USH2A: variants seen among roughly 807,000 people sequenced by gnomAD.
USH2A encodes usherin.
In USH2A, 443 loss-of-function variants were observed where a neutral mutation model predicts 538.9. The ratio of observed to expected loss-of-function variants is 0.82; its 90% confidence interval spans 0.76 to 0.89. The LOEUF is 0.89. Among genes scored for constraint, USH2A ranks in the 40% least tolerant of loss-of-function variants. USH2A has a pLI of 0.00. For missense variants in USH2A, 6,633 were observed against 6,324.8 expected (o/e 1.05, Z -1.65); for synonymous variants, 2,413 against 2,273.5 (o/e 1.06, Z -1.75).
In USH2A at chr1:215,726,113, C is replaced by T. The variant is rs180835079; in HGVS notation, c.12066+1917G>A. On this transcript the variant is annotated intron_variant, in intron 61 of 71. Transcript: ENST00000307340. The stretch of plus-strand genomic sequence containing the variant: ...TAAAAACATATTTAAATTAAGGTGC[C>T]TCATTCAGAAAGCTATTAACAAGGG... Among the ~76,000 whole-genome samples the T allele has an allele frequency of 2.3e-4, 35 of 152,214 alleles. No individual in the cohort carries two copies. The East Asian group carries it at 2.7e-3, about 12-fold the overall frequency.
At chr1:215,678,122 A>C (rs2797236) in intron 62 of USH2A, among the ~76,000 whole-genome samples, 83,523 of 152,010 alleles carry the variant, frequency 0.55, 23,437 homozygotes, top group South Asian at 0.69. Context: ...ACCCACCTTC[A>C]ATTCTACCTT....
chr1:215,815,790 T>C (rs2102795301), intron 48 of USH2A, among the ~76,000 whole-genome samples: 1 of 152,186 alleles, frequency 6.6e-6, no homozygotes, highest in South Asian at 2.1e-4. Flanking sequence ...TTATCTTTAC[T>C]AGTTTTACTC....
chr1:215,782,626 T>C (rs1356005203), intron 53 of USH2A, 112 bp downstream of exon 53: 4 of 1,140,352 alleles, frequency 3.5e-6, no homozygotes, highest in African/African-American at 1.5e-5. Flanking sequence ...TATCGGAACA[T>C]ACTTTTCTAG....
intron 32 of USH2A, among the ~76,000 whole-genome samples, chr1:216,022,470 GC>G (rs1668865621): frequency 6.6e-6 from 1 of 152,158 alleles, no homozygotes; most frequent in Admixed American, 6.5e-5. Flanking sequence ...CAGGTATGGT[GC>G]CCTGGTTCTC....
In USH2A at chr1:215,726,637, T is replaced by C. The variant is rs186232120; in HGVS notation, c.12066+1393A>G. Among the ~76,000 whole-genome samples, 722 of 152,328 alleles carry C rather than the reference T, an allele frequency of 4.7e-3. 2 individuals carry two copies. Among genetic ancestry groups the C allele is most frequent in the African/African-American group, 0.017 (696 of 41,576 alleles). On this transcript the variant is annotated intron_variant, in intron 61 of 71. Transcript: ENST00000307340. ...TAGAAACATAGTTTTTTGGTTTTTT[T>C]ATAAATGCTTTAGTTTGTCTGTTTA...
intron 61 of USH2A, among the ~76,000 whole-genome samples, chr1:215,707,237 T>C (rs1659207948): frequency 6.6e-6 from 1 of 152,188 alleles, no homozygotes; most frequent in African/African-American, 2.4e-5. Context: ...GTCTCATATG[T>C]AGGAGAAAAA....
In USH2A at chr1:216,298,684, T is replaced by C. The variant is rs758711611; in HGVS notation, c.1645-6314A>G. ...TATTTTTTGATTCTCAAATTATTAT[T>C]TTTTAGATTATGATAATACCAGGGT... is the stretch of plus-strand genomic sequence containing the variant. On this transcript the variant is annotated intron_variant, in intron 9 of 71. Coordinates refer to ENST00000307340, the MANE Select transcript of USH2A (RefSeq NM_206933.4). Among the ~76,000 whole-genome samples the C allele has an allele frequency of 3.9e-5, 6 of 152,288 alleles. No individual in the cohort carries two copies. The South Asian group carries it at 1.2e-3, about 32-fold the overall frequency.
intron 21 of USH2A, among the ~76,000 whole-genome samples, chr1:216,112,259 A>T: frequency 6.6e-6 from 1 of 152,186 alleles, no homozygotes; most frequent in East Asian, 1.9e-4. Context: ...CCTTTTGAAA[A>T]TTAAATTTTT....
intron 4 of USH2A, among the ~76,000 whole-genome samples, chr1:216,327,880 T>C (rs1237544884): frequency 6.6e-6 from 1 of 152,166 alleles, no homozygotes; most frequent in Non-Finnish European, 1.5e-5. Flanking sequence ...TCAAAGTGAA[T>C]ACTTTGGCCA....
At chr1:215,989,472 T>C (rs1667954744) in intron 35 of USH2A, among the ~76,000 whole-genome samples, 1 of 152,118 alleles carries the variant, frequency 6.6e-6, no homozygotes, top group African/African-American at 2.4e-5. Flanking sequence ...CTGATATCCT[T>C]GAGATCAAGA....
At chr1:216,054,090 G>T (rs1405525948) in intron 30 of USH2A, among the ~76,000 whole-genome samples, 1 of 152,154 alleles carries the variant, frequency 6.6e-6, no homozygotes, top group Non-Finnish European at 1.5e-5. Context: ...GCCTTTTACT[G>T]CTTTCCTTAT....
At position 216,072,434 on chromosome 1, in the gene USH2A, A is replaced by G. The variant is rs186920616; in HGVS notation, c.5857+455T>C. The stretch of plus-strand genomic sequence containing the variant: ...GTCAACAACGGGGCAAACATCTGCA[A>G]TGATGTCATAGACACCCCTGATTCC... On this transcript the variant is annotated intron_variant, in intron 29 of 71. Transcript: ENST00000307340. 59 of 242,852 alleles carry G rather than the reference A, an allele frequency of 2.4e-4. No individual in the cohort carries two copies. The East Asian group carries it at 5.9e-3, about 24-fold the overall frequency. 15.0% of individuals were successfully genotyped at this position (242,852 alleles called of 1,614,324 possible). A position where few individuals can be genotyped will look rare whatever the true frequency, so the allele number is the denominator to read the frequency against.
intron 3 of USH2A, among the ~76,000 whole-genome samples, chr1:216,370,163 A>T (rs2038678787): frequency 6.6e-6 from 1 of 152,094 alleles, no homozygotes; most frequent in Admixed American, 6.5e-5. Flanking sequence ...GTTCTAGACC[A>T]GCCTGGCCAA....
chr1:215,786,443 T>TG (rs1251136185), intron 52 of USH2A, among the ~76,000 whole-genome samples: 4 of 152,240 alleles, frequency 2.6e-5, no homozygotes, highest in Non-Finnish European at 4.4e-5. Flanking sequence ...TACCTTAATA[T>TG]GGAATACAAC....
intron 21 of USH2A, among the ~76,000 whole-genome samples, chr1:216,140,658 T>C (rs955987793): frequency 6.6e-6 from 1 of 152,166 alleles, no homozygotes; most frequent in African/African-American, 2.4e-5. Context: ...CAGAAACATA[T>C]TGGTACTATT....
chr1:215,654,836 T>C (rs1657190973), intron 64 of USH2A, among the ~76,000 whole-genome samples: 1 of 152,190 alleles, frequency 6.6e-6, no homozygotes, highest in Admixed American at 6.5e-5. Context: ...TGTTGTTCAT[T>C]AAAAAAATGA....
chr1:216,091,946 C>T (rs2032311499), intron 22 of USH2A, among the ~76,000 whole-genome samples: 1 of 152,024 alleles, frequency 6.6e-6, no homozygotes, highest in African/African-American at 2.4e-5. Flanking sequence ...AATCCTAGCA[C>T]TTTGAGAGGC....
At chr1:215,861,973 G>T (rs952761099) in intron 44 of USH2A, among the ~76,000 whole-genome samples, 1 of 151,078 alleles carries the variant, frequency 6.6e-6, no homozygotes, top group Non-Finnish European at 1.5e-5. Context: ...CCGACTAGCT[G>T]GGACTACAGG....
At chr1:215,657,262 C>T (rs1257388668) in intron 64 of USH2A, among the ~76,000 whole-genome samples, 1 of 152,216 alleles carries the variant, frequency 6.6e-6, no homozygotes, top group Admixed American at 6.5e-5. Flanking sequence ...TTTCCCATGG[C>T]ACTCACGCTA....
Sources: allele counts gnomAD v4.1 joint callset (sites outside exome capture counted in the v4.1 genomes callset), GRCh38; gene constraint gnomAD v4.1.1; transcripts MANE v1.5; gene names NCBI Gene and HGNC (gene_info 2026-07-23, HGNC 2026-07-21).